SYCP2: variants seen among roughly 807,000 people sequenced by gnomAD.
The protein encoded by SYCP2 is synaptonemal complex protein 2.
SYCP2 carries 55 observed loss-of-function variants against 211.3 expected under a neutral mutation model. The ratio of observed to expected loss-of-function variants is 0.26; its 90% CI spans 0.21 to 0.33. The LOEUF (loss-of-function observed/expected upper bound fraction) is 0.33. SYCP2 is among the 10% of genes least tolerant of loss of function. SYCP2 has a pLI of 1.00. For missense variants in SYCP2, 1,731 were observed against 1,752.0 expected (o/e 0.99, Z 0.21); for synonymous variants, 570 against 555.2 (o/e 1.03, Z -0.37).
Position 59,864,184 on chromosome 20 carries a change from G to T in SYCP2, c.*127C>A. 1.7e-6 allele frequency: 1 copy of T among 572,836 alleles called. No individual in the cohort carries two copies. The allele number at this position is 572,836 out of a possible 1,614,324, so 35.5% of individuals were successfully genotyped here. ...TAAAAGACATTTTTTTTTAATTTGA[G>T]GGTTCCTATAAAGGGTACACTTGCT... On this transcript the variant is annotated 3_prime_UTR_variant, in exon 45 of 45. Coordinates refer to ENST00000357552, the MANE Select transcript of SYCP2 (RefSeq NM_014258.4).
At chr20:59,916,660 C>A (rs764635942) in intron 7 of SYCP2, 89 bp from the exon 8 acceptor site, 1 of 863,140 alleles carries the variant, frequency 1.2e-6, no homozygotes. Flanking sequence ...TGGAAAGGGG[C>A]CAGGCATGGT....
At position 59,873,754 on chromosome 20, in the gene SYCP2, C is replaced by G. The variant is rs185592497; in HGVS notation, c.3555+102G>C. ...CAAGACCCTAGACCAAACCCAAAAC[C>G]TTAAATAGACAAGCAATGTGTATCT... On this transcript the variant is annotated intron_variant, in intron 35 of 44. Coordinates refer to ENST00000357552, the MANE Select transcript of SYCP2 (RefSeq NM_014258.4). 8,485 of 1,074,128 alleles carry G rather than the reference C, an allele frequency of 7.9e-3. 38 individuals carry two copies. Among genetic ancestry groups the G allele is most frequent in the Non-Finnish European group, 1.0e-2 (7,601 of 760,762 alleles). The allele number at this position is 1,074,128 out of a possible 1,614,324, so 66.5% of individuals were successfully genotyped here.
chr20:59,880,320 T>C lies in SYCP2; in HGVS notation c.2924A>G (p.His975Arg), dbSNP rs757488557. 12 of 1,584,878 alleles carry C rather than the reference T, an allele frequency of 7.6e-6. 2 individuals are homozygous for C. The South Asian group carries it at 9.2e-5, about 12-fold the overall frequency. ...DYSRNKNVKN[H>R]KSGKSRSSLE... The stretch of plus-strand genomic sequence containing the variant: ...TTTCTTACTTGATTTTCCACTTTTA[T>C]GATTCTTCACATTTTTATTTCTGCT... Residue 975 changes from histidine to arginine, a missense_variant, in exon 31 of 45, where the codon CAT (histidine) becomes CGT (arginine). Transcript: ENST00000357552.
chr20:59,923,351 G>A (rs2060575270), intron 2 of SYCP2, among the ~76,000 whole-genome samples: 1 of 151,828 alleles, frequency 6.6e-6, no homozygotes, highest in South Asian at 2.1e-4. Flanking sequence ...TGTAGAATAT[G>A]CATAATTATT....
At chr20:59,864,435 T>A in intron 44 of SYCP2, 47 bp from the exon 45 acceptor site, 1 of 1,296,344 alleles carries the variant, frequency 7.7e-7, no homozygotes, top group Non-Finnish European at 1.1e-6. Context: ...ACATTTTCGC[T>A]GTAAAACCAC....
intron 35 of SYCP2, among the ~76,000 whole-genome samples, chr20:59,872,428 T>C (rs2059470553): frequency 6.6e-6 from 1 of 151,988 alleles, no homozygotes. Flanking sequence ...CAAGCAACCC[T>C]TATTTTACTA....
chr20:59,905,660 A>G (rs902218692), intron 15 of SYCP2, among the ~76,000 whole-genome samples: 11 of 152,196 alleles, frequency 7.2e-5, no homozygotes, highest in Non-Finnish European at 4.4e-5. Context: ...ATGTTTATTA[A>G]CTTAATTGCC....
At chr20:59,922,342 A>C (rs753020968) in intron 3 of SYCP2, 48 bp downstream of exon 3, 34 of 1,542,098 alleles carry the variant, frequency 2.2e-5, no homozygotes, top group Non-Finnish European at 2.6e-5. Flanking sequence ...GTAAACAAAA[A>C]GTGATTTTCA....
chr20:59,915,307 T>C lies in SYCP2; in HGVS notation c.600-108A>G, dbSNP rs114209064. On this transcript the variant is annotated intron_variant, in intron 9 of 44. Coordinates refer to ENST00000357552, the MANE Select transcript of SYCP2 (RefSeq NM_014258.4). ...CACAAAAATTTACAATTGGCTAATA[T>C]CATCGACTTTTGCAGAAATTATATG... 326 of 1,040,170 alleles carry C rather than the reference T, an allele frequency of 3.1e-4. No homozygotes were observed. The African/African-American group carries it at 4.9e-3, about 16-fold the overall frequency. The allele number at this position is 1,040,170 out of a possible 1,614,324, so 64.4% of individuals were successfully genotyped here.
rs879211369 is a variant in SYCP2, at chr20:59,882,131, T to G, written c.2564A>C (p.Lys855Thr). 12 of 1,612,910 alleles carry G rather than the reference T, an allele frequency of 7.4e-6. No homozygotes were observed. The highest frequency in any genetic ancestry group is 9.3e-6 in the Non-Finnish European group (11 of 1,179,454). ...KVQKKSYRKLKTTFVNVTSEC... is the reference protein window; with the variant it reads ...KVQKKSYRKLTTTFVNVTSEC... ...AGAAGTAACATTAACAAAGGTAGTCTTCAGTTTTCTGTAGCTTTTTTTCTG... is the reference window on the plus strand; with the variant it reads ...AGAAGTAACATTAACAAAGGTAGTCGTCAGTTTTCTGTAGCTTTTTTTCTG... Residue 855 changes from lysine to threonine, a missense_variant, in exon 27 of 45, where the codon AAG becomes ACG. Lys to Thr is a moderately conservative substitution (Grantham distance 78). Around this residue, in one of 3 missense-constraint regions of SYCP2, gnomAD observed 1,387 missense variants for 1,351.3 expected, o/e 1.03. Coordinates refer to ENST00000357552, the MANE Select transcript of SYCP2 (RefSeq NM_014258.4).
chr20:59,870,115 A>G (rs374839704), intron 35 of SYCP2, 132 bp from the exon 36 acceptor site: 81 of 557,396 alleles, frequency 1.5e-4, no homozygotes, highest in East Asian at 2.1e-4. Context: ...CAAAAATTCA[A>G]TTCCAATTCA....
intron 7 of SYCP2, among the ~76,000 whole-genome samples, chr20:59,916,873 C>T (rs947215237): frequency 2.6e-5 from 4 of 152,006 alleles, no homozygotes; most frequent in Non-Finnish European, 4.4e-5. Context: ...GAGCCGTGAT[C>T]GTGCCACTGT....
intron 13 of SYCP2, 88 bp from the exon 14 acceptor site, chr20:59,911,933 A>G (rs1425659982): frequency 1.9e-6 from 1 of 531,310 alleles, no homozygotes; most frequent in Non-Finnish European, 3.2e-6. Context: ...CTAAAGCAAG[A>G]AAACAAAGCT....
chr20:59,913,980 T>A lies in SYCP2; in HGVS notation c.825A>T (p.Lys275Asn), dbSNP rs765295522. Reference sequence around the variant, plus strand: ...GTATCTTGCATTAAGTTTACCTTCTTTTGTCTCCAAGCATGCCATTTACAA... The same window carrying A: ...GTATCTTGCATTAAGTTTACCTTCTATTGTCTCCAAGCATGCCATTTACAA... ...LNLVNGMLGD[K>N]RRVFTFPCLS... Residue 275 changes from lysine to asparagine, a missense_variant, in exon 12 of 45, where the codon AAA becomes AAT. Lys to Asn is a moderately conservative substitution (Grantham distance 94, BLOSUM62 0). Transcript: ENST00000357552. The A allele has an allele frequency of 6.3e-7, 1 of 1,597,664 alleles. No individual in the cohort carries two copies. The highest frequency in any genetic ancestry group is 2.2e-5 in the East Asian group (1 of 44,602).
At chr20:59,884,857 G>GA (rs900789037) in intron 26 of SYCP2, among the ~76,000 whole-genome samples, 1 of 151,736 alleles carries the variant, frequency 6.6e-6, no homozygotes, top group South Asian at 2.1e-4. Flanking sequence ...AAAAACAGAA[G>GA]AAAAAACCCA....
intron 38 of SYCP2, 106 bp from the exon 39 acceptor site, chr20:59,867,953 T>G: frequency 1.3e-6 from 1 of 753,200 alleles, no homozygotes; most frequent in Non-Finnish European, 2.1e-6. Context: ...AATCTATGTG[T>G]AACCTAAGGA....
intron 12 of SYCP2, among the ~76,000 whole-genome samples, chr20:59,913,611 TAATA>T (rs1463089825): frequency 6.6e-6 from 1 of 152,154 alleles, no homozygotes; most frequent in Non-Finnish European, 1.5e-5. Flanking sequence ...ATGATTCAAG[TAATA>T]AATATGTCTA....
At chr20:59,912,489 T>C (rs2060350436) in intron 12 of SYCP2, 71 bp from the exon 13 acceptor site, 1 of 560,210 alleles carries the variant, frequency 1.8e-6, no homozygotes, top group African/African-American at 2.0e-5. Context: ...GTAATAGAAA[T>C]CATGCCTAGA....
At position 59,891,976 on chromosome 20, in the gene SYCP2, C is replaced by T. The variant is rs761415024; in HGVS notation, c.2364+14G>A. 6.4e-7 allele frequency: 1 copy of T among 1,564,894 alleles called. No homozygotes were observed. Among genetic ancestry groups the T allele is most frequent in the East Asian group, 2.2e-5 (1 of 44,546 alleles). On this transcript the variant is annotated intron_variant, in intron 24 of 44. Transcript: ENST00000357552. ...TTATGGATATGCAGAAATCAAAACA[C>T]ATTGAAAGCTCACCATTTTTTTTTG...
Sources: allele counts gnomAD v4.1 joint callset (sites outside exome capture counted in the v4.1 genomes callset), GRCh38; gene constraint gnomAD v4.1.1; regional missense constraint gnomAD v4.1.1; transcripts MANE v1.5; gene names NCBI Gene and HGNC (gene_info 2026-07-23, HGNC 2026-07-21).